The following SNCB variants were observed in gnomAD, a reference collection of about 807,000 sequenced individuals.
SNCB encodes synuclein beta, also known as beta-synuclein.
In SNCB, 8 loss-of-function variants were observed where a neutral mutation model predicts 20.0. That is an observed-to-expected ratio of 0.40 (90% CI 0.24 to 0.72). SNCB has a LOEUF of 0.72. Among genes scored for constraint, SNCB ranks in the 30% least tolerant of loss-of-function variants. The pLI, the probability that SNCB is intolerant of heterozygous loss-of-function variation, is 0.37. For synonymous variants in SNCB, 56 were observed against 65.4 expected (o/e 0.86, Z 0.69); for missense variants, 125 against 168.0 (o/e 0.74, Z 1.41).
Position 176,621,786 on chromosome 5 carries a change from G to A in SNCB, c.283-483C>T, listed in dbSNP as rs1223005883. The stretch of plus-strand genomic sequence containing the variant: ...CCTGTGTGGCCTCGTTTCTTCAGCT[G>A]TTGCTATTTTAAGATAAGCTGGAAG... On this transcript the variant is annotated intron_variant, in intron 4 of 5. Transcript: ENST00000393693. This position sits in a 1 kb window ranked among gnomAD's most constrained non-coding sequence, Gnocchi z 4.1. Among the ~76,000 whole-genome samples, 1 of 152,192 alleles carries A rather than the reference G, an allele frequency of 6.6e-6. No homozygotes were observed. Among genetic ancestry groups the A allele is most frequent in the Non-Finnish European group, 1.5e-5 (1 of 68,038 alleles).
At chr5:176,628,557 C>T (rs1353559576) in intron 2 of SNCB, among the ~76,000 whole-genome samples, 1 of 152,182 alleles carries the variant, frequency 6.6e-6, no homozygotes, top group African/African-American at 2.4e-5. Flanking sequence ...CTGTCTCCTG[C>T]CCATCGCTCT....
chr5:176,620,624 G>A lies in SNCB; in HGVS notation c.*187C>T. 1 of 623,944 alleles carries A rather than the reference G, an allele frequency of 1.6e-6. No individual in the cohort carries two copies. The highest frequency in any genetic ancestry group is 2.9e-6 in the Non-Finnish European group (1 of 347,446). The allele number at this position is 623,944 out of a possible 1,614,324, so 38.7% of individuals were successfully genotyped here. A position where few individuals can be genotyped will look rare whatever the true frequency, so the allele number is the denominator to read the frequency against. Reference sequence around the variant, plus strand: ...GCAACCCTGGCCCTGTCCATGCCCCGGGGTTGGACGCGGGCGGGTAGGACA... The same window carrying A: ...GCAACCCTGGCCCTGTCCATGCCCCAGGGTTGGACGCGGGCGGGTAGGACA... On this transcript the variant is annotated 3_prime_UTR_variant, in exon 6 of 6. Transcript: ENST00000393693. This position sits in a 1 kb window ranked among gnomAD's most constrained non-coding sequence, Gnocchi z 4.5.
intron 4 of SNCB, among the ~76,000 whole-genome samples, chr5:176,624,812 AAAAAAC>A (rs1288200204): frequency 5.9e-5 from 9 of 151,398 alleles, no homozygotes; most frequent in East Asian, 3.9e-4. Context: ...CAAAAAAAAA[AAAAAAC>A]AAAAAAAAAC....
At chr5:176,622,294 A>G (rs565561315) in intron 4 of SNCB, among the ~76,000 whole-genome samples, 16 of 152,306 alleles carry the variant, frequency 1.1e-4, no homozygotes, top group African/African-American at 3.6e-4. Context: ...TCACCCAGCT[A>G]TGACCAGAAC....
rs1759936383 is a variant in SNCB, at chr5:176,626,298, G to T, written c.282+100C>A. The T allele has an allele frequency of 1.2e-5, 11 of 899,570 alleles. No individual in the cohort carries two copies. Among genetic ancestry groups the T allele is most frequent in the Non-Finnish European group, 2.0e-5 (11 of 541,074 alleles). 55.7% of individuals were successfully genotyped at this position (899,570 alleles called of 1,614,324 possible). ...GTGTTCCAAGCTGGTGGCAGGATTA[G>T]GGGGGCGGGGATGGTGACAGGTTTA... On this transcript the variant is annotated intron_variant, in intron 4 of 5. Transcript: ENST00000393693. The surrounding 1 kb of genome is among the most constrained non-coding windows in gnomAD (Gnocchi z 4.2).
At position 176,629,526 on chromosome 5, in the gene SNCB, T is replaced by C; in HGVS notation, c.121+8A>G. 5.6e-6 allele frequency: 9 copies of C among 1,597,542 alleles called. No individual in the cohort carries two copies. The highest frequency in any genetic ancestry group is 6.8e-6 in the Non-Finnish European group (8 of 1,171,090). ...CCTGCAGCCCCAGAAACCCCGCCCC[T>C]TACCCACCGACGTAGAGGACGCCCT... On this transcript the variant is annotated splice_region_variant and intron_variant, in intron 2 of 5. Transcript: ENST00000393693. The surrounding 1 kb of genome is among the most constrained non-coding windows in gnomAD (Gnocchi z 4.1).
intron 4 of SNCB, among the ~76,000 whole-genome samples, chr5:176,625,967 C>A (rs115699605): frequency 0.021 from 3,183 of 152,274 alleles, 123 homozygotes; most frequent in African/African-American, 0.073. Context: ...TGCTGGCTTG[C>A]GTTTTACTAT....
intron 4 of SNCB, among the ~76,000 whole-genome samples, chr5:176,625,029 G>C (rs1759856017): frequency 1.3e-5 from 2 of 152,130 alleles, no homozygotes; most frequent in South Asian, 4.1e-4. Flanking sequence ...GCTGCAGAAG[G>C]AGCCCCCATC....
chr5:176,621,389 T>C lies in SNCB; in HGVS notation c.283-86A>G, dbSNP rs879158750. 1.2e-5 allele frequency: 13 copies of C among 1,087,478 alleles called. 1 individual carries two copies. The South Asian group carries it at 1.7e-4, about 14-fold the overall frequency. The allele number at this position is 1,087,478 out of a possible 1,614,324, so 67.4% of individuals were successfully genotyped here. On this transcript the variant is annotated intron_variant, in intron 4 of 5. Transcript: ENST00000393693. The surrounding 1 kb of genome is among the most constrained non-coding windows in gnomAD (Gnocchi z 4.1). Reference sequence around the variant, plus strand: ...GTGGTAAGCTTTGGGTGGGTTGGAGTGGGGAAGGCTAGGGTGGGTTGGCAG... The same window carrying C: ...GTGGTAAGCTTTGGGTGGGTTGGAGCGGGGAAGGCTAGGGTGGGTTGGCAG...
At position 176,629,356 on chromosome 5, in the gene SNCB, G is replaced by C; in HGVS notation, c.121+178C>G. ...CAGCCCGCCCCGTGTCCCCATTTCC[G>C]GATACAGACCCAGGCTTCTATGGGC... On this transcript the variant is annotated intron_variant, in intron 2 of 5. Transcript: ENST00000393693. This position sits in a 1 kb window ranked among gnomAD's most constrained non-coding sequence, Gnocchi z 4.1. 1 of 653,470 alleles carries C rather than the reference G, an allele frequency of 1.5e-6. No homozygotes were observed. The highest frequency in any genetic ancestry group is 2.6e-6 in the Non-Finnish European group (1 of 386,320). 40.5% of individuals were successfully genotyped at this position (653,470 alleles called of 1,614,324 possible).
At chr5:176,624,663 G>A (rs1399370510) in intron 4 of SNCB, among the ~76,000 whole-genome samples, 1 of 152,066 alleles carries the variant, frequency 6.6e-6, no homozygotes, top group Non-Finnish European at 1.5e-5. Context: ...TTAGCCGGGT[G>A]TGGTAGCGGG....
intron 2 of SNCB, among the ~76,000 whole-genome samples, chr5:176,627,831 T>C (rs1760071786): frequency 6.6e-6 from 1 of 152,084 alleles, no homozygotes; most frequent in Non-Finnish European, 1.5e-5. Flanking sequence ...CTGTCTGAAG[T>C]GGGTAAGAGA....
At chr5:176,627,320 T>C (rs1205500709) in intron 2 of SNCB, among the ~76,000 whole-genome samples, 2 of 152,308 alleles carry the variant, frequency 1.3e-5, no homozygotes, top group Middle Eastern at 3.4e-3. Context: ...CCACTGCCCA[T>C]AGCCCACTGC....
intron 2 of SNCB, among the ~76,000 whole-genome samples, chr5:176,628,923 C>G (rs556627319): frequency 6.6e-6 from 1 of 152,060 alleles, no homozygotes; most frequent in South Asian, 2.1e-4. Context: ...GGAAAGTGGA[C>G]GGGGAAGAGA....
intron 4 of SNCB, among the ~76,000 whole-genome samples, chr5:176,624,399 G>A (rs1159424172): frequency 6.6e-6 from 1 of 152,232 alleles, no homozygotes; most frequent in Non-Finnish European, 1.5e-5. Flanking sequence ...GTGCCACATT[G>A]GGAAGAGTCA....
At position 176,630,516 on chromosome 5, in the gene SNCB, C is replaced by A; in HGVS notation, c.-246G>T. The A allele has an allele frequency of 6.5e-6, 1 of 153,800 alleles. No individual in the cohort carries two copies. The highest frequency in any genetic ancestry group is 1.9e-4 in the South Asian group (1 of 5,376). 9.5% of individuals were successfully genotyped at this position (153,800 alleles called of 1,614,324 possible). A position where few individuals can be genotyped will look rare whatever the true frequency, so the allele number is the denominator to read the frequency against. ...GCGCGCTCCGGCTCCGGCTCCGGCT[C>A]CGGCGCTGCGGCAGCTCTGAGCTCA... On this transcript the variant is annotated 5_prime_UTR_variant, in exon 1 of 6. Transcript: ENST00000393693.
chr5:176,626,504 G>T lies in SNCB; in HGVS notation c.176C>A (p.Thr59Asn), dbSNP rs779230513. Residue 59 changes from threonine to asparagine, a missense_variant, in exon 4 of 6, where the codon ACC becomes AAC. Thr to Asn is a moderately conservative substitution (Grantham distance 65). Transcript: ENST00000393693. The surrounding 1 kb of genome is among the most constrained non-coding windows in gnomAD (Gnocchi z 4.2). The stretch of plus-strand genomic sequence containing the variant: ...TCCCAGATGTGAGGCCTGTTCCTTG[G>T]TTTTTTCAGCCACTGGAGCAGGGAG... Reference protein sequence around the residue: ...VQGVASVAEKTKEQASHLGGA... With the variant: ...VQGVASVAEKNKEQASHLGGA... 6.2e-6 allele frequency: 10 copies of T among 1,613,808 alleles called. No homozygotes were observed. The highest frequency in any genetic ancestry group is 1.7e-5 in the Admixed American group (1 of 60,022).
chr5:176,623,154 A>T (rs1046742980), intron 4 of SNCB, among the ~76,000 whole-genome samples: 7 of 152,056 alleles, frequency 4.6e-5, no homozygotes, highest in African/African-American at 1.7e-4. Flanking sequence ...TTGGGAGGTC[A>T]AGGTGGGCAG....
chr5:176,627,959 G>A (rs2113410409), intron 2 of SNCB, among the ~76,000 whole-genome samples: 1 of 152,330 alleles, frequency 6.6e-6, no homozygotes, highest in East Asian at 1.9e-4. Context: ...GGAACAGATG[G>A]ACATCAGAAA....
Sources: gnomAD v4.1 joint callset for allele counts (sites outside exome capture counted in the v4.1 genomes callset) on GRCh38, gnomAD v4.1.1 for gene constraint, Gnocchi (gnomAD v3.1) non-coding constraint, MANE v1.5 for transcripts, NCBI Gene and HGNC (gene_info 2026-07-23, HGNC 2026-07-21) for gene names.